The following MEAK7 variants were observed in gnomAD, a reference collection of about 807,000 sequenced individuals.
MEAK7 encodes the protein MTOR-associated protein MEAK7.
A neutral mutation model predicts 40.5 loss-of-function variants in MEAK7; 68 were observed. The observed-to-expected ratio is 1.68, with a 90% CI of 1.38 to 2.06. The LOEUF is 2.06. Among genes scored for constraint, MEAK7 ranks in the 30% most tolerant of loss-of-function variants. The pLI is 0.00. For missense variants in MEAK7, 918 were observed against 580.5 expected, an observed-to-expected ratio of 1.58 and a Z score of -5.98; for synonymous variants, 338 against 231.9, an observed-to-expected ratio of 1.46 and a Z score of -4.16.
At chr16:84,499,453 G>A (rs1914322041) in intron 1 of MEAK7, among the ~76,000 whole-genome samples, 1 of 152,168 alleles carries the variant, frequency 6.6e-6, no homozygotes, top group South Asian at 2.1e-4. Flanking sequence ...ATGAGTCATG[G>A]TCCGCACCAA....
At chr16:84,482,807 G>T in intron 5 of MEAK7, 97 bp from the exon 6 acceptor site, 1 of 1,537,602 alleles carries the variant, frequency 6.5e-7, no homozygotes, top group Admixed American at 2.0e-5. Flanking sequence ...GAAGCAACAG[G>T]GCCAAGACCC....
Position 84,494,839 on chromosome 16 carries a change from G to C in MEAK7, c.384+844C>G, listed in dbSNP as rs143508899. 5.7e-5 allele frequency: 26 copies of C among 453,860 alleles called. No homozygotes were observed. In the East Asian group the frequency reaches 1.7e-3, roughly 30 times the overall value. The allele number at this position is 453,860 out of a possible 1,614,324, so 28.1% of individuals were successfully genotyped here. ...TCCTTTCTCCAAAAGATTTCTGAAA[G>C]ACAAAGCAGGAAAAAATAAAAACTC... On this transcript the variant is annotated intron_variant, in intron 3 of 7. Coordinates refer to ENST00000343629, the MANE Select transcript of MEAK7 (RefSeq NM_020947.4).
chr16:84,490,280 G>GC (rs370596894), intron 3 of MEAK7, among the ~76,000 whole-genome samples: 1 of 141,164 alleles, frequency 7.1e-6, no homozygotes, highest in African/African-American at 2.6e-5. Flanking sequence ...ATAGCTGGGG[G>GC]AAAAAAAAAA....
At chr16:84,500,066 G>A (rs13332538) in intron 1 of MEAK7, 8,764 of 152,280 alleles carry the variant, frequency 0.058, 507 homozygotes, top group East Asian at 0.25. Context: ...ATTATATGAT[G>A]TGTGGCCTTT....
intron 3 of MEAK7, among the ~76,000 whole-genome samples, chr16:84,491,654 T>G (rs1355043337): frequency 6.6e-6 from 1 of 150,954 alleles, no homozygotes; most frequent in Non-Finnish European, 1.5e-5. Flanking sequence ...CTGGCTAACA[T>G]GGTGAAACCC....
intron 6 of MEAK7, among the ~76,000 whole-genome samples, chr16:84,481,150 C>T (rs1188990433): frequency 1.3e-5 from 2 of 152,252 alleles, no homozygotes; most frequent in Non-Finnish European, 2.9e-5. Flanking sequence ...CACCCCAAGA[C>T]AGGCTGGGAA....
chr16:84,480,504 G>A (rs767979659), intron 7 of MEAK7, 25 bp downstream of exon 7: 1 of 1,572,456 alleles, frequency 6.4e-7, no homozygotes, highest in Non-Finnish European at 8.6e-7. Context: ...GGCCATCCTG[G>A]GATGCAGAGG....
At chr16:84,494,630 G>A (rs866460024) in intron 3 of MEAK7, 10 of 335,656 alleles carry the variant, frequency 3.0e-5, no homozygotes, top group South Asian at 1.4e-4. Context: ...TTCCAGTGTT[G>A]TCTTCCCTTT....
intron 5 of MEAK7, among the ~76,000 whole-genome samples, chr16:84,485,152 G>A (rs1354834142): frequency 6.6e-6 from 1 of 152,158 alleles, no homozygotes; most frequent in Non-Finnish European, 1.5e-5. Context: ...GGGCAAGGTG[G>A]GTGTGCAGAA....
chr16:84,486,566 C>A (rs1274321079), intron 5 of MEAK7, 65 bp downstream of exon 5: 8 of 1,521,200 alleles, frequency 5.3e-6, no homozygotes, highest in Non-Finnish European at 5.3e-6. Context: ...CCCACCCTCT[C>A]CCTTTCTCCA....
chr16:84,493,472 C>G lies in MEAK7; in HGVS notation c.384+2211G>C, dbSNP rs566710270. Among the ~76,000 whole-genome samples, 3 of 152,292 alleles carry G rather than the reference C, an allele frequency of 2.0e-5. No homozygotes were observed. In the East Asian group the frequency reaches 5.8e-4, roughly 29 times the overall value. ...GCAAGCAAGAAGTTAATTGCGTGGA[C>G]CGAACTAACAGATGACCGAAATAAT... On this transcript the variant is annotated intron_variant, in intron 3 of 7. Coordinates refer to ENST00000343629, the MANE Select transcript of MEAK7 (RefSeq NM_020947.4).
In MEAK7 at chr16:84,476,437, C is replaced by G. The variant is rs757740892; in HGVS notation, c.*3476G>C. 3.3e-5 allele frequency: 5 copies of G among 152,168 alleles called. No individual in the cohort carries two copies. Among genetic ancestry groups the G allele is most frequent in the Admixed American group, 6.5e-5 (1 of 15,280 alleles). The allele number at this position is 152,168 out of a possible 1,614,324, so 9.4% of individuals were successfully genotyped here. A position where few individuals can be genotyped will look rare whatever the true frequency, so the allele number is the denominator to read the frequency against. ...CCCGGTATATTGAGTATAAATTGAG[C>G]TCAAGAGGTTTTTTTAATTCATCTA... On this transcript the variant is annotated 3_prime_UTR_variant, in exon 8 of 8. Transcript: ENST00000343629.
chr16:84,486,646 T>C lies in MEAK7; in HGVS notation c.943A>G (p.Lys315Glu). ...GGFASCSWEV[K>E]PQFQGDNRCF... ...CAAGTCTTACCTTGAAACTGAGGCT[T>C]CACCTCCCAAGAGCAAGAGGCAAAC... Residue 315 changes from lysine (K) to glutamate (E), a missense_variant, in exon 5 of 8, where the codon AAG becomes GAG. Transcript: ENST00000343629. The C allele has an allele frequency of 1.2e-6, 2 of 1,607,828 alleles. No individual in the cohort carries two copies. The highest frequency in any genetic ancestry group is 1.7e-6 in the Non-Finnish European group (2 of 1,177,070).
At chr16:84,504,059 G>A (rs1214287271) in intron 1 of MEAK7, 1 of 985,424 alleles carries the variant, frequency 1.0e-6, no homozygotes, top group Non-Finnish European at 1.2e-6. Context: ...GGCAGCTTGA[G>A]CCTGGGCAAG....
intron 3 of MEAK7, among the ~76,000 whole-genome samples, chr16:84,490,715 C>G (rs1163221728): frequency 8.8e-6 from 1 of 113,448 alleles, no homozygotes; most frequent in Non-Finnish European, 1.8e-5. Context: ...GACATAATGC[C>G]TTTTTGTCTC....
Position 84,479,833 on chromosome 16 carries a change from G to C in MEAK7, c.*80C>G. 1 of 1,079,548 alleles carries C rather than the reference G, an allele frequency of 9.3e-7. No individual in the cohort carries two copies. The allele number at this position is 1,079,548 out of a possible 1,614,324, so 66.9% of individuals were successfully genotyped here. Reference sequence around the variant, plus strand: ...GTACGCTATTACAGTTAAACCATGTGGGAGGGAAGAGGGGCTGCAGGCGTT... The same window carrying C: ...GTACGCTATTACAGTTAAACCATGTCGGAGGGAAGAGGGGCTGCAGGCGTT... On this transcript the variant is annotated 3_prime_UTR_variant, in exon 8 of 8. Transcript: ENST00000343629.
At chr16:84,484,433 C>G (rs1307703480) in intron 5 of MEAK7, among the ~76,000 whole-genome samples, 1 of 152,206 alleles carries the variant, frequency 6.6e-6, no homozygotes, top group African/African-American at 2.4e-5. Context: ...GAAAATGAAT[C>G]AATCACCTTG....
rs1421518321 is a variant in MEAK7, at chr16:84,504,617, G to A, written c.-42C>T. ...GGTACCTACCCTGCCGGGCTTCCTG[G>A]TGCTGTCCGGTCCGGTCCAGCAGCC... On this transcript the variant is annotated 5_prime_UTR_variant, in exon 1 of 8. Coordinates refer to ENST00000343629, the MANE Select transcript of MEAK7 (RefSeq NM_020947.4). The A allele has an allele frequency of 1.0e-6, 1 of 985,510 alleles. No homozygotes were observed. The highest frequency in any genetic ancestry group is 1.7e-5 in the African/African-American group (1 of 57,232). 61.0% of individuals were successfully genotyped at this position (985,510 alleles called of 1,614,324 possible).
intron 6 of MEAK7, 152 bp downstream of exon 6, chr16:84,482,440 C>G (rs1912645408): frequency 2.3e-6 from 3 of 1,300,366 alleles, no homozygotes; most frequent in Non-Finnish European, 3.2e-6. Context: ...GCCCCCAGCA[C>G]CGGCCCTGGA....
Sources: gnomAD v4.1 joint callset for allele counts (sites outside exome capture counted in the v4.1 genomes callset) on GRCh38, gnomAD v4.1.1 for gene constraint, MANE v1.5 for transcripts, NCBI Gene and HGNC (gene_info 2026-07-23, HGNC 2026-07-21) for gene names.